The following RYR2 variants were observed in gnomAD, a reference collection of about 807,000 sequenced individuals.
The protein encoded by RYR2 is ryanodine receptor 2.
In RYR2, 227 loss-of-function variants were observed where a neutral mutation model predicts 601.1. The ratio of observed to expected loss-of-function variants is 0.38; its 90% CI spans 0.34 to 0.42. The LOEUF (loss-of-function observed/expected upper bound fraction) is 0.42, where lower values mean the gene tolerates loss of function less well. Among genes scored for constraint, RYR2 ranks in the 10% least tolerant of loss-of-function variants. RYR2 has a pLI of 1.00. For synonymous variants in RYR2, 2,223 were observed against 2,175.1 expected, an observed-to-expected ratio of 1.02 and a Z score of -0.61; for missense variants, 4,646 against 6,156.5, an observed-to-expected ratio of 0.75 and a Z score of 8.21.
intron 1 of RYR2, among the ~76,000 whole-genome samples, chr1:237,043,449 A>G (rs894105564): frequency 1.3e-5 from 2 of 152,168 alleles, no homozygotes; most frequent in African/African-American, 2.4e-5. Context: ...CACTAATACA[A>G]TTCTTTCTCC....
chr1:237,546,999 A>T (rs1215232841), intron 25 of RYR2, among the ~76,000 whole-genome samples: 3 of 141,188 alleles, frequency 2.1e-5, no homozygotes, highest in Non-Finnish European at 4.6e-5. Context: ...ATATATATTT[A>T]TTTATTTATT....
intron 1 of RYR2, among the ~76,000 whole-genome samples, chr1:237,107,413 C>T (rs555172002): frequency 1.3e-5 from 2 of 149,042 alleles, no homozygotes; most frequent in Non-Finnish European, 3.0e-5. Context: ...CCCAGCTACT[C>T]AGGAGGCTGA....
At chr1:237,236,852 T>G (rs1327206119) in intron 1 of RYR2, among the ~76,000 whole-genome samples, 1 of 152,310 alleles carries the variant, frequency 6.6e-6, no homozygotes, top group Admixed American at 6.5e-5. Flanking sequence ...GGAGGGAAAT[T>G]GTTGGAGGCT....
intron 1 of RYR2, among the ~76,000 whole-genome samples, chr1:237,231,631 G>A (rs758799878): frequency 1.9e-4 from 29 of 152,308 alleles, no homozygotes; most frequent in Admixed American, 5.9e-4. Flanking sequence ...CTGTAAAACA[G>A]AACAGGATTA....
At chr1:237,414,945 T>A (rs879647237) in intron 10 of RYR2, among the ~76,000 whole-genome samples, 29 of 152,080 alleles carry the variant, frequency 1.9e-4, no homozygotes, top group Admixed American at 3.3e-4. Context: ...TCAGTGGCTC[T>A]ACACTGAGGG....
chr1:237,825,646 A>C (rs1279710470), intron 101 of RYR2, among the ~76,000 whole-genome samples: 1 of 152,236 alleles, frequency 6.6e-6, no homozygotes, highest in Non-Finnish European at 1.5e-5. Context: ...CAATGGCAAC[A>C]AAAGCCAAAA....
chr1:237,448,312 A>G (rs1306229099), intron 14 of RYR2, among the ~76,000 whole-genome samples: 3 of 152,136 alleles, frequency 2.0e-5, no homozygotes, highest in Non-Finnish European at 1.5e-5. Flanking sequence ...GGATTTCCTG[A>G]GTATTTTTCT....
chr1:237,707,147 G>A lies in RYR2; in HGVS notation c.9779G>A (p.Arg3260Gln), dbSNP rs750415021. ...WEHGPENNPE[R>Q]AEMCCTALNS... ...CATGGACCTGAGAACAATCCAGAAC[G>A]GGCCGAGATGTGCTGCACAGCCCTG... The change falls in exon 68 of 105, where the codon CGG (arginine) becomes CAG (glutamine). Residue 3260 changes from arginine to glutamine, a missense_variant. Arg to Gln is a conservative substitution (Grantham distance 43). This residue lies in a region of RYR2 where 1,497 missense variants were observed against 1,842.6 expected (regional missense o/e 0.81). Coordinates refer to ENST00000366574, the MANE Select transcript of RYR2 (RefSeq NM_001035.3). 19 of 1,613,636 alleles carry A rather than the reference G, an allele frequency of 1.2e-5. 1 individual carries two copies. The highest frequency in any genetic ancestry group is 2.2e-5 in the South Asian group (2 of 91,072).
At chr1:237,676,407 A>G (rs1402244745) in intron 60 of RYR2, among the ~76,000 whole-genome samples, 1 of 152,130 alleles carries the variant, frequency 6.6e-6, no homozygotes, top group Admixed American at 6.6e-5. Flanking sequence ...CACTTGACAC[A>G]TTTCATTCTA....
chr1:237,500,350 T>A (rs547769420), intron 20 of RYR2, among the ~76,000 whole-genome samples: 17 of 152,258 alleles, frequency 1.1e-4, no homozygotes, highest in African/African-American at 4.1e-4. Flanking sequence ...TTGGTTATGG[T>A]CTTACAAGTA....
intron 1 of RYR2, among the ~76,000 whole-genome samples, chr1:237,230,265 G>A (rs1158495363): frequency 6.6e-6 from 1 of 152,132 alleles, no homozygotes; most frequent in Non-Finnish European, 1.5e-5. Context: ...AAAAATAAAT[G>A]TTACCAATAT....
intron 16 of RYR2, 48 bp downstream of exon 16, chr1:237,456,783 T>G (rs1558851127): frequency 1.3e-6 from 2 of 1,597,876 alleles, no homozygotes; most frequent in Admixed American, 1.7e-5. Flanking sequence ...CTATTTAAAA[T>G]GTCCATAAAT....
intron 23 of RYR2, among the ~76,000 whole-genome samples, chr1:237,510,616 A>AAG (rs1245214431): frequency 1.3e-5 from 2 of 152,180 alleles, no homozygotes; most frequent in Non-Finnish European, 2.9e-5. Context: ...GTGACTGCTG[A>AAG]AGACTTAAAA....
chr1:237,113,420 C>T (rs2485605), intron 1 of RYR2, among the ~76,000 whole-genome samples: 2,653 of 151,900 alleles, frequency 0.017, 34 homozygotes, highest in Non-Finnish European at 0.025. Flanking sequence ...AGGCTGGTCT[C>T]GAACTCCTGA....
chr1:237,718,937 T>C (rs1245776643), intron 73 of RYR2, among the ~76,000 whole-genome samples: 1 of 152,068 alleles, frequency 6.6e-6, no homozygotes. Flanking sequence ...ATAGAGGAGT[T>C]TTAGGGTCTT....
intron 2 of RYR2, among the ~76,000 whole-genome samples, chr1:237,293,221 T>C (rs181727541): frequency 3.9e-5 from 6 of 152,310 alleles, no homozygotes. Context: ...TCTTTTTTGG[T>C]TGAGGGATGG....
At chr1:237,615,036 T>C (rs1270516306) in intron 37 of RYR2, among the ~76,000 whole-genome samples, 193 bp downstream of exon 37, 1 of 152,216 alleles carries the variant, frequency 6.6e-6, no homozygotes, top group Non-Finnish European at 1.5e-5. Flanking sequence ...GTTTCCCAGA[T>C]GCTTTTTACC....
At chr1:237,558,909 T>C (rs1000245863) in intron 27 of RYR2, among the ~76,000 whole-genome samples, 5 of 152,196 alleles carry the variant, frequency 3.3e-5, no homozygotes, top group Non-Finnish European at 7.3e-5. Context: ...TTTCAGGTAC[T>C]GTGCTTATCA....
At chr1:237,511,829 T>G in intron 24 of RYR2, 38 bp downstream of exon 24, 36 of 335,356 alleles carry the variant, frequency 1.1e-4, no homozygotes, top group Non-Finnish European at 1.6e-4. Context: ...CAACCTGCCT[T>G]CCCTGAAAAA....
Sources: gnomAD v4.1 joint callset for allele counts (sites outside exome capture counted in the v4.1 genomes callset) on GRCh38, gnomAD v4.1.1 for gene constraint, gnomAD v4.1.1 regional missense constraint, MANE v1.5 for transcripts, NCBI Gene and HGNC (gene_info 2026-07-23, HGNC 2026-07-21) for gene names.